The following ZFP64 variants were observed in gnomAD, a reference collection of about 807,000 sequenced individuals.
ZFP64 encodes the protein zinc finger protein 64.
Under a neutral mutation model 51.6 loss-of-function variants are expected in ZFP64, and 14 were observed. That is an observed-to-expected ratio of 0.27 (90% CI 0.18 to 0.42). ZFP64 has a LOEUF of 0.42. ZFP64 is among the 10% of genes least tolerant of loss of function. The pLI, the probability that ZFP64 is intolerant of heterozygous loss-of-function variation, is 1.00. For missense variants in ZFP64, 754 were observed against 906.8 expected, an observed-to-expected ratio of 0.83 and a Z score of 2.16; for synonymous variants, 375 against 361.4, an observed-to-expected ratio of 1.04 and a Z score of -0.43.
At chr20:52,140,824 T>C (rs992346355) in intron 5 of ZFP64, among the ~76,000 whole-genome samples, 4 of 152,184 alleles carry the variant, frequency 2.6e-5, no homozygotes, top group African/African-American at 9.6e-5. Flanking sequence ...CCATCTAGGA[T>C]GTTCATAGCT....
At chr20:52,183,943 T>G (rs963087217) in intron 2 of ZFP64, among the ~76,000 whole-genome samples, 8 of 152,154 alleles carry the variant, frequency 5.3e-5, no homozygotes, top group African/African-American at 1.9e-4. Context: ...CTCTGCCTCC[T>G]GGGTTTAAGA....
chr20:52,116,979 A>G (rs1396125901), intron 5 of ZFP64, among the ~76,000 whole-genome samples: 1 of 152,102 alleles, frequency 6.6e-6, no homozygotes. Flanking sequence ...CTGAGGCAGA[A>G]GAATCTCTTG....
intron 2 of ZFP64, among the ~76,000 whole-genome samples, chr20:52,181,758 AG>A (rs1983628951): frequency 6.6e-6 from 1 of 152,186 alleles, no homozygotes; most frequent in Admixed American, 6.5e-5. Context: ...ATTCAGATTC[AG>A]GAGGTGGAGC....
chr20:52,178,167 G>A (rs1335216785), intron 2 of ZFP64, among the ~76,000 whole-genome samples: 1 of 152,180 alleles, frequency 6.6e-6, no homozygotes, highest in African/African-American at 2.4e-5. Context: ...TCCCCAGGAA[G>A]GGTCTGGATA....
chr20:52,094,519 G>C (rs1341757912), intron 7 of ZFP64, among the ~76,000 whole-genome samples: 1 of 152,196 alleles, frequency 6.6e-6, no homozygotes, highest in Admixed American at 6.5e-5. Flanking sequence ...CCAGCACTTT[G>C]GAAGGCCGAG....
chr20:52,189,823 T>C (rs770204451), intron 1 of ZFP64, among the ~76,000 whole-genome samples: 13 of 152,152 alleles, frequency 8.5e-5, no homozygotes, highest in Non-Finnish European at 1.9e-4. Flanking sequence ...TAAAATCTCT[T>C]CATATATATA....
chr20:52,100,577 G>A (rs923838056), intron 5 of ZFP64, among the ~76,000 whole-genome samples: 9 of 152,150 alleles, frequency 5.9e-5, no homozygotes, highest in African/African-American at 1.7e-4. Flanking sequence ...ACTAGCTTAT[G>A]AATTATAGGC....
At chr20:52,093,749 C>A (rs2078954625) in intron 7 of ZFP64, among the ~76,000 whole-genome samples, 1 of 152,152 alleles carries the variant, frequency 6.6e-6, no homozygotes. Flanking sequence ...TCTGGGACTA[C>A]TGTGCATATT....
intron 5 of ZFP64, among the ~76,000 whole-genome samples, chr20:52,158,211 G>C (rs1296322707): frequency 6.6e-6 from 1 of 152,026 alleles, no homozygotes; most frequent in Admixed American, 6.6e-5. Context: ...CTGTATATTG[G>C]GTGTATCATG....
intron 5 of ZFP64, among the ~76,000 whole-genome samples, chr20:52,103,877 G>A (rs114766609): frequency 1.0e-3 from 154 of 152,304 alleles, no homozygotes; most frequent in African/African-American, 3.6e-3. Flanking sequence ...TTCGTTTAGT[G>A]GAGGCTTCAT....
At chr20:52,105,388 C>T in intron 5 of ZFP64, 8 of 1,233,924 alleles carry the variant, frequency 6.5e-6, no homozygotes, top group Non-Finnish European at 8.1e-6. Flanking sequence ...ATCAAGAGTC[C>T]TGACGGCTGA....
At position 52,152,467 on chromosome 20, in the gene ZFP64, C is replaced by T. The variant is rs753983765; in HGVS notation, c.1725G>A (p.Glu575=). ...TQPAVLLTTH[E]QTDGATLHQT... ...GGTGCAGAGTGGCTCCGTCCGTCTG[C>T]TCGTGGGTGGTCAGCAGGACAGCCG... The change falls in exon 6 of 6, where the codon GAG becomes GAA. Residue 575 remains glutamate (E), a synonymous_variant. Coordinates refer to ENST00000216923, the MANE Select transcript of ZFP64 (RefSeq NM_018197.3). The T allele has an allele frequency of 6.2e-7, 1 of 1,613,340 alleles. No homozygotes were observed. The highest frequency in any genetic ancestry group is 8.5e-7 in the Non-Finnish European group (1 of 1,179,726).
At chr20:52,088,852 CAT>C in intron 7 of ZFP64, 1 of 731,780 alleles carries the variant, frequency 1.4e-6, no homozygotes, top group Non-Finnish European at 2.3e-6. Context: ...GGAAAGATGA[CAT>C]AAAAATCTGA....
At position 52,155,292 on chromosome 20, in the gene ZFP64, T is replaced by C. The variant is rs556507042; in HGVS notation, c.764-1864A>G. On this transcript the variant is annotated intron_variant, in intron 5 of 5. Transcript: ENST00000216923. ...AACTTTACATGCACTGTTATCAGAT[T>C]GGTTGCCTGTTTTCATAATTGAAGG... Among the ~76,000 whole-genome samples, 9 of 152,320 alleles carry C rather than the reference T, an allele frequency of 5.9e-5. No homozygotes were observed. The South Asian group carries it at 1.7e-3, about 28-fold the overall frequency.
intron 6 of ZFP64, chr20:52,097,516 T>G: frequency 7.5e-7 from 1 of 1,330,588 alleles, no homozygotes; most frequent in South Asian, 1.4e-5. Context: ...GTGCAGTGGC[T>G]CCATCTCGGC....
intron 5 of ZFP64, among the ~76,000 whole-genome samples, chr20:52,135,455 G>A (rs1251245360): frequency 1.3e-5 from 2 of 152,118 alleles, no homozygotes; most frequent in African/African-American, 4.8e-5. Context: ...CAAATTGGGA[G>A]TTTTGTACTA....
intron 5 of ZFP64, among the ~76,000 whole-genome samples, chr20:52,116,434 C>A (rs1211520877): frequency 6.7e-6 from 1 of 148,986 alleles, no homozygotes; most frequent in African/African-American, 2.5e-5. Flanking sequence ...CTGCGCCTGG[C>A]CATATTTCTT....
chr20:52,122,289 G>A (rs2122854222), intron 5 of ZFP64, among the ~76,000 whole-genome samples: 1 of 152,146 alleles, frequency 6.6e-6, no homozygotes, highest in East Asian at 1.9e-4. Flanking sequence ...GGTGGATCAC[G>A]AGGTCAGGAG....
downstream of ZFP64, among the ~76,000 whole-genome samples, chr20:52,146,648 G>A (rs539765260): frequency 3.3e-5 from 5 of 151,844 alleles, no homozygotes; most frequent in South Asian, 4.2e-4. Context: ...GTTAATGGGC[G>A]CAGCACACCA....
Sources: allele counts gnomAD v4.1 joint callset (sites outside exome capture counted in the v4.1 genomes callset), GRCh38; gene constraint gnomAD v4.1.1; transcripts MANE v1.5; gene names NCBI Gene and HGNC (gene_info 2026-07-23, HGNC 2026-07-21).